The following GPNMB variants were observed in gnomAD, a reference collection of about 807,000 sequenced individuals.
GPNMB encodes transmembrane glycoprotein NMB.
A neutral mutation model predicts 57.3 loss-of-function variants in GPNMB; 71 were observed. That is an observed-to-expected ratio of 1.24 (90% CI 1.02 to 1.51). The LOEUF (loss-of-function observed/expected upper bound fraction) is 1.51, where lower values mean the gene tolerates loss of function less well. Among genes scored for constraint, GPNMB ranks in the 40% most tolerant of loss-of-function variants. The pLI, the probability that GPNMB is intolerant of heterozygous loss-of-function variation, is 0.00. For synonymous variants in GPNMB, 253 were observed against 263.2 expected (o/e 0.96, Z 0.38); for missense variants, 677 against 691.9 (o/e 0.98, Z 0.24).
In GPNMB at chr7:23,270,075, A is replaced by G. The variant is rs779307691; in HGVS notation, c.1329A>G (p.Arg443=). ...ATGAGATGTGTCTGCTGACTGTGAG[A>G]CGAACCTTCAATGGGTCTGGGACGT... ...DVDEMCLLTV[R]RTFNGSGTYC... Residue 443 remains arginine (R), a synonymous_variant, in exon 9 of 11, where the codon AGA becomes AGG. Coordinates refer to ENST00000258733, the MANE Select transcript of GPNMB (RefSeq NM_002510.3). 1 of 1,614,100 alleles carries G rather than the reference A, an allele frequency of 6.2e-7. No individual in the cohort carries two copies. The highest frequency in any genetic ancestry group is 1.3e-5 in the African/African-American group (1 of 75,028).
rs1783220508 is a variant in GPNMB at position 23,272,066 on chromosome 7, A to G, written c.1430-1455A>G. On this transcript the variant is annotated intron_variant, in intron 9 of 10. Transcript: ENST00000258733. Reference sequence around the variant, plus strand: ...GGGGAGGGTGGGAACTGGAGAAGGGAGCCAAAACCTCTGCATCCAAGTGGC... The same window carrying G: ...GGGGAGGGTGGGAACTGGAGAAGGGGGCCAAAACCTCTGCATCCAAGTGGC... Among the ~76,000 whole-genome samples, 5 of 152,064 alleles carry G rather than the reference A, an allele frequency of 3.3e-5. No individual in the cohort carries two copies. In the South Asian group the frequency reaches 1.0e-3, roughly 32 times the overall value.
At chr7:23,247,005 C>A in intron 1 of GPNMB, 78 bp downstream of exon 1, 3 of 1,066,076 alleles carry the variant, frequency 2.8e-6, no homozygotes, top group Non-Finnish European at 4.4e-6. Context: ...ATCCTCTGAA[C>A]TAGAGGTTGG....
At chr7:23,273,305 C>T in intron 9 of GPNMB, 1 of 514,768 alleles carries the variant, frequency 1.9e-6, no homozygotes, top group Non-Finnish European at 3.4e-6. Context: ...CCCCCGCGCC[C>T]TTACCACAGT....
chr7:23,261,718 CA>C (rs1782929378), intron 6 of GPNMB, among the ~76,000 whole-genome samples: 1 of 151,996 alleles, frequency 6.6e-6, no homozygotes, highest in African/African-American at 2.4e-5. Flanking sequence ...CAACATGGCA[CA>C]TGTATACATA....
intron 5 of GPNMB, 137 bp from the exon 6 acceptor site, chr7:23,260,319 A>T (rs1389686345): frequency 1.0e-6 from 1 of 1,001,306 alleles, no homozygotes; most frequent in African/African-American, 1.6e-5. Context: ...AAACCCCAGA[A>T]AACTTGCATG....
In GPNMB at chr7:23,266,034, C is replaced by T. The variant is rs769580255; in HGVS notation, c.1019-483C>T. The T allele has an allele frequency of 3.2e-4, 50 of 156,318 alleles. 1 individual carries two copies. Among genetic ancestry groups the T allele is most frequent in the African/African-American group, 9.4e-4 (39 of 41,378 alleles). The allele number at this position is 156,318 out of a possible 1,614,324, so 9.7% of individuals were successfully genotyped here. On this transcript the variant is annotated intron_variant, in intron 6 of 10. Transcript: ENST00000258733. Reference sequence around the variant, plus strand: ...CGCCATCTCGGCTCACTGCAAGCTCCGCCTCCCAGTTTCACGCCATTCTCC... The same window carrying T: ...CGCCATCTCGGCTCACTGCAAGCTCTGCCTCCCAGTTTCACGCCATTCTCC...
chr7:23,261,756 T>A (rs935709148), intron 6 of GPNMB, among the ~76,000 whole-genome samples: 1 of 152,042 alleles, frequency 6.6e-6, no homozygotes, highest in African/African-American at 2.4e-5. Context: ...TTTGTGCACA[T>A]GTACCCTAGA....
intron 4 of GPNMB, among the ~76,000 whole-genome samples, chr7:23,258,905 G>A (rs140133178): frequency 0.018 from 2,742 of 152,342 alleles, 46 homozygotes; most frequent in South Asian, 0.046. Flanking sequence ...TCAAAAGCAT[G>A]CAACCTAAGA....
rs1782701881 is a variant in GPNMB at position 23,253,390 on chromosome 7, A to C, written c.154A>C (p.Asn52His). 6.2e-7 allele frequency: 1 copy of C among 1,613,928 alleles called. No individual in the cohort carries two copies. Among genetic ancestry groups the C allele is most frequent in the African/African-American group, 1.3e-5 (1 of 74,916 alleles). ...ATTAAATGGCTGGTCTTCTGATGAAAATGACTGGAATGAAAAACTCTACCC... is the reference window on the plus strand; with the variant it reads ...ATTAAATGGCTGGTCTTCTGATGAACATGACTGGAATGAAAAACTCTACCC... ...NQLNGWSSDE[N>H]DWNEKLYPVW... Residue 52 changes from asparagine to histidine, a missense_variant, in exon 2 of 11, where the codon AAT becomes CAT. Coordinates refer to ENST00000258733, the MANE Select transcript of GPNMB (RefSeq NM_002510.3).
At chr7:23,267,346 G>A (rs1481835883) in intron 7 of GPNMB, among the ~76,000 whole-genome samples, 2 of 152,230 alleles carry the variant, frequency 1.3e-5, no homozygotes, top group African/African-American at 4.8e-5. Context: ...TGTATCCTAA[G>A]CTATGGGGGT....
At position 23,274,403 on chromosome 7, in the gene GPNMB, C is replaced by T; in HGVS notation, c.*179C>T. 1.9e-6 allele frequency: 1 copy of T among 514,682 alleles called. No homozygotes were observed. The allele number at this position is 514,682 out of a possible 1,614,324, so 31.9% of individuals were successfully genotyped here. On this transcript the variant is annotated 3_prime_UTR_variant, in exon 11 of 11. Coordinates refer to ENST00000258733, the MANE Select transcript of GPNMB (RefSeq NM_002510.3). ...ATGGGGAGAGGGATTATACTGCAGG[C>T]AGCTTCAGCCATGTTGTGAAACTGA...
In GPNMB at chr7:23,273,632, A is replaced by G. The variant is rs1783266015; in HGVS notation, c.1523+18A>G. On this transcript the variant is annotated intron_variant, in intron 10 of 10. Coordinates refer to ENST00000258733, the MANE Select transcript of GPNMB (RefSeq NM_002510.3). ...GTGTACAAGTAAGTTTTTGGTTCCT[A>G]CGCTTTATATCACTATAGTGTATTG... 3 of 1,397,718 alleles carry G rather than the reference A, an allele frequency of 2.1e-6. No individual in the cohort carries two copies. The Admixed American group carries it at 5.0e-5, about 23-fold the overall frequency. 86.6% of individuals were successfully genotyped at this position (1,397,718 alleles called of 1,614,324 possible). A position where few individuals can be genotyped will look rare whatever the true frequency, so the allele number is the denominator to read the frequency against.
intron 6 of GPNMB, among the ~76,000 whole-genome samples, chr7:23,262,612 T>C (rs1381671500): frequency 3.8e-5 from 4 of 104,724 alleles, no homozygotes; most frequent in Non-Finnish European, 7.1e-5. Context: ...CATTCTCTTT[T>C]TTTTTTTTTT....
chr7:23,251,283 T>C (rs1236782181), intron 1 of GPNMB, among the ~76,000 whole-genome samples: 2 of 152,318 alleles, frequency 1.3e-5, no homozygotes, highest in African/African-American at 2.4e-5. Context: ...ATATGGCTTC[T>C]CTGAGCACCC....
Position 23,246,834 on chromosome 7 carries a change from T to C in GPNMB, c.-24T>C. On this transcript the variant is annotated 5_prime_UTR_variant, in exon 1 of 11. Coordinates refer to ENST00000258733, the MANE Select transcript of GPNMB (RefSeq NM_002510.3). The stretch of plus-strand genomic sequence containing the variant: ...GAGGAATTCAGAGTTAAACCTTGAG[T>C]GCCTGCGTCCGTGAGAATTCAGCAT... The C allele has an allele frequency of 1.9e-6, 3 of 1,590,058 alleles. No individual in the cohort carries two copies. In the African/African-American group the frequency reaches 4.0e-5, roughly 21 times the overall value.
intron 9 of GPNMB, among the ~76,000 whole-genome samples, chr7:23,271,875 A>G (rs1023047592): frequency 2.0e-5 from 3 of 152,248 alleles, no homozygotes; most frequent in Non-Finnish European, 4.4e-5. Flanking sequence ...ATCCCATTAA[A>G]AGAAGAGATT....
At chr7:23,272,495 G>C (rs996440064) in intron 9 of GPNMB, among the ~76,000 whole-genome samples, 22 of 151,478 alleles carry the variant, frequency 1.5e-4, no homozygotes, top group Non-Finnish European at 3.1e-4. Context: ...AAAAGAGAGA[G>C]AGAAAGAGAG....
chr7:23,271,563 A>T (rs1397840061), intron 9 of GPNMB, among the ~76,000 whole-genome samples: 1 of 152,254 alleles, frequency 6.6e-6, no homozygotes, highest in Non-Finnish European at 1.5e-5. Context: ...TGGGAGGCCA[A>T]GGTGGGCAGA....
intron 4 of GPNMB, chr7:23,257,934 C>T (rs985031679): frequency 2.0e-5 from 3 of 152,034 alleles, no homozygotes; most frequent in South Asian, 4.1e-4. Flanking sequence ...CACATTTTTG[C>T]TTACTATCAT....
Sources: allele counts gnomAD v4.1 joint callset (sites outside exome capture counted in the v4.1 genomes callset), GRCh38; gene constraint gnomAD v4.1.1; transcripts MANE v1.5; gene names NCBI Gene and HGNC (gene_info 2026-07-23, HGNC 2026-07-21).